The following CCDC146 variants were observed in gnomAD, a reference collection of about 807,000 sequenced individuals.
The protein encoded by CCDC146 is coiled-coil domain-containing protein 146.
In CCDC146, 92 loss-of-function variants were observed where a neutral mutation model predicts 119.3. That is an observed-to-expected ratio of 0.77 (90% CI 0.65 to 0.92). The LOEUF (loss-of-function observed/expected upper bound fraction) is 0.92, where lower values mean the gene tolerates loss of function less well. CCDC146 is among the 40% of genes least tolerant of loss of function. The pLI is 0.00. For synonymous variants in CCDC146, 372 were observed against 371.8 expected (o/e 1.00, Z -0.01); for missense variants, 1,000 against 1,103.0 (o/e 0.91, Z 1.32).
chr7:77,199,948 C>T lies in CCDC146; in HGVS notation c.156+32124C>T, dbSNP rs1791956361. 3.0e-5 allele frequency: 24 copies of T among 803,600 alleles called. No individual in the cohort carries two copies. In the South Asian group the frequency reaches 4.3e-4, roughly 15 times the overall value. The allele number at this position is 803,600 out of a possible 1,614,324, so 49.8% of individuals were successfully genotyped here. ...ACGCACAGGAAGAGGAGATAGCCCTCATCAAACGCAGTTTGCCAAAAACTG... is the reference window on the plus strand; with the variant it reads ...ACGCACAGGAAGAGGAGATAGCCCTTATCAAACGCAGTTTGCCAAAAACTG... On this transcript the variant is annotated intron_variant, in intron 2 of 18. Coordinates refer to ENST00000285871, the MANE Select transcript of CCDC146 (RefSeq NM_020879.3).
At chr7:77,212,076 A>G (rs1792194926) in intron 2 of CCDC146, among the ~76,000 whole-genome samples, 2 of 152,214 alleles carry the variant, frequency 1.3e-5, no homozygotes, top group Non-Finnish European at 2.9e-5. Flanking sequence ...ATTATATGCA[A>G]TGCACTTAGA....
In CCDC146 at chr7:77,256,359, G is replaced by A; in HGVS notation, c.534G>A (p.Leu178=). The change falls in exon 6 of 19, where the codon TTG becomes TTA. Residue 178 remains leucine (L), a synonymous_variant. Transcript: ENST00000285871. ...PGEMEKKMKI[L]RESTEELRKE... ...AAATGGAGAAGAAGATGAAAATATTGAGAGAAAGCACTGAAGAATTACGTA... is the reference window on the plus strand; with the variant it reads ...AAATGGAGAAGAAGATGAAAATATTAAGAGAAAGCACTGAAGAATTACGTA... 1 of 1,594,620 alleles carries A rather than the reference G, an allele frequency of 6.3e-7. No homozygotes were observed. Among genetic ancestry groups the A allele is most frequent in the Non-Finnish European group, 8.5e-7 (1 of 1,173,880 alleles).
At chr7:77,283,618 T>C (rs1793800634) in intron 15 of CCDC146, among the ~76,000 whole-genome samples, 1 of 152,188 alleles carries the variant, frequency 6.6e-6, no homozygotes, top group Non-Finnish European at 1.5e-5. Context: ...AAAATTCTAC[T>C]CCCAAGATAT....
chr7:77,278,698 AT>A lies in CCDC146; in HGVS notation c.1441-53del, dbSNP rs1793703997. ...AATGGAAGGGAATGATGTGGGATAA[AT>A]CTGGGAGTGTTCATATGTTGTTATT... On this transcript the variant is annotated intron_variant, in intron 11 of 18. Coordinates refer to ENST00000285871, the MANE Select transcript of CCDC146 (RefSeq NM_020879.3). The A allele has an allele frequency of 4.1e-6, 5 of 1,222,206 alleles. No homozygotes were observed. The African/African-American group carries it at 7.5e-5, about 18-fold the overall frequency. 75.7% of individuals were successfully genotyped at this position (1,222,206 alleles called of 1,614,324 possible). A position where few individuals can be genotyped will look rare whatever the true frequency, so the allele number is the denominator to read the frequency against.
intron 2 of CCDC146, among the ~76,000 whole-genome samples, chr7:77,185,222 C>T (rs917161812): frequency 1.3e-5 from 2 of 152,058 alleles, no homozygotes; most frequent in African/African-American, 4.8e-5. Flanking sequence ...CAGCAAGTAA[C>T]AGCTGTTTAT....
intron 4 of CCDC146, among the ~76,000 whole-genome samples, chr7:77,244,993 C>T (rs1302288838): frequency 6.6e-6 from 1 of 152,234 alleles, no homozygotes; most frequent in Non-Finnish European, 1.5e-5. Context: ...TCAGGAACTT[C>T]TGAATCATTG....
At chr7:77,214,306 T>C (rs1792258258) in intron 2 of CCDC146, among the ~76,000 whole-genome samples, 1 of 152,134 alleles carries the variant, frequency 6.6e-6, no homozygotes, top group African/African-American at 2.4e-5. Context: ...AGGTTATTTG[T>C]TTTTTGCTTG....
At chr7:77,238,375 T>A (rs1792778579) in intron 3 of CCDC146, among the ~76,000 whole-genome samples, 1 of 152,162 alleles carries the variant, frequency 6.6e-6, no homozygotes, top group Non-Finnish European at 1.5e-5. Flanking sequence ...CCTCCAATCC[T>A]CTTTGCAGAT....
intron 1 of CCDC146, among the ~76,000 whole-genome samples, chr7:77,144,677 T>C (rs570550929): frequency 6.6e-6 from 1 of 151,956 alleles, no homozygotes; most frequent in Admixed American, 6.5e-5. Context: ...GAGATAATCA[T>C]GTGGTTTTTG....
chr7:77,133,828 TACAC>T (rs142218364), intron 1 of CCDC146, among the ~76,000 whole-genome samples: 17 of 143,754 alleles, frequency 1.2e-4, no homozygotes, highest in African/African-American at 2.8e-4. Context: ...TATGCTTAGG[TACAC>T]ACACACACAC....
At chr7:77,250,107 T>C (rs1337186147) in intron 4 of CCDC146, among the ~76,000 whole-genome samples, 1 of 152,234 alleles carries the variant, frequency 6.6e-6, no homozygotes, top group Non-Finnish European at 1.5e-5. Flanking sequence ...TCCTCCTTCC[T>C]ATCCCTTGTA....
intron 2 of CCDC146, among the ~76,000 whole-genome samples, chr7:77,220,247 TTC>T (rs1792377559): frequency 6.6e-6 from 1 of 152,190 alleles, no homozygotes; most frequent in South Asian, 2.1e-4. Flanking sequence ...TCAGTGATAA[TTC>T]TCCTATTCGC....
intron 9 of CCDC146, among the ~76,000 whole-genome samples, chr7:77,265,042 C>T (rs545782293): frequency 2.6e-5 from 4 of 152,164 alleles, no homozygotes; most frequent in Non-Finnish European, 5.9e-5. Flanking sequence ...CTCCAACTTT[C>T]CAAGTTATTC....
At chr7:77,190,878 T>A (rs931157274) in intron 2 of CCDC146, among the ~76,000 whole-genome samples, 2 of 152,160 alleles carry the variant, frequency 1.3e-5, no homozygotes, top group Non-Finnish European at 2.9e-5. Flanking sequence ...TTTTAAAAAA[T>A]TAAAGGATTC....
rs759061472 is a variant in CCDC146 at position 77,260,120 on chromosome 7, A to G, written c.870A>G (p.Val290=). 2 of 1,614,086 alleles carry G rather than the reference A, an allele frequency of 1.2e-6. No homozygotes were observed. The highest frequency in any genetic ancestry group is 1.7e-6 in the Non-Finnish European group (2 of 1,179,984). Residue 290 remains valine, a synonymous_variant, in exon 8 of 19, where the codon GTA becomes GTG. Coordinates refer to ENST00000285871, the MANE Select transcript of CCDC146 (RefSeq NM_020879.3). ...CTATAGTGGATGAGAAGGAAAATGT[A>G]ATAAAGGAAGTTGAAGGCAAACGAG... The part of the protein sequence containing the change: ...VSAIVDEKEN[V]IKEVEGKRAL...
intron 2 of CCDC146, chr7:77,199,692 T>C (rs1386709714): frequency 7.4e-6 from 12 of 1,614,058 alleles, no homozygotes; most frequent in Non-Finnish European, 1.0e-5. Flanking sequence ...CATCCTTTGC[T>C]CTTTCATCTT....
At chr7:77,157,606 T>C (rs1485904306) in intron 1 of CCDC146, among the ~76,000 whole-genome samples, 2 of 152,230 alleles carry the variant, frequency 1.3e-5, no homozygotes, top group Non-Finnish European at 2.9e-5. Flanking sequence ...CTATTTTGGC[T>C]TATTCATGTC....
chr7:77,196,715 C>T lies in CCDC146; in HGVS notation c.156+28891C>T, dbSNP rs1791878464. The T allele has an allele frequency of 6.2e-7, 1 of 1,614,194 alleles. No individual in the cohort carries two copies. Among genetic ancestry groups the T allele is most frequent in the Non-Finnish European group, 8.5e-7 (1 of 1,180,022 alleles). ...ATCTATTCTCAGAATCATTTCCTTA[C>T]TCTTGGTCAGAAGATGAATTTTATC... On this transcript the variant is annotated intron_variant, in intron 2 of 18. Coordinates refer to ENST00000285871, the MANE Select transcript of CCDC146 (RefSeq NM_020879.3). The surrounding 1 kb of genome is among the most constrained non-coding windows in gnomAD (Gnocchi z 4.2).
rs17148444 is a variant in CCDC146 at position 77,164,443 on chromosome 7, A to G, written c.-11-3215A>G. Among the ~76,000 whole-genome samples the G allele has an allele frequency of 4.9e-3, 753 of 152,344 alleles. 9 individuals carry two copies. The highest frequency in any genetic ancestry group is 0.018 in the African/African-American group (729 of 41,584). On this transcript the variant is annotated intron_variant, in intron 1 of 18. Coordinates refer to ENST00000285871, the MANE Select transcript of CCDC146 (RefSeq NM_020879.3). ...CACTTTAGGGCATTGAAAAAAGCAA[A>G]CATGTGTTAAAGAAAGGGAAGTCAA...
Sources: allele counts gnomAD v4.1 joint callset (sites outside exome capture counted in the v4.1 genomes callset), GRCh38; gene constraint gnomAD v4.1.1; non-coding constraint Gnocchi (gnomAD v3.1); transcripts MANE v1.5; gene names NCBI Gene and HGNC (gene_info 2026-07-23, HGNC 2026-07-21).